RSL24D1: variants seen among roughly 807,000 people sequenced by gnomAD.
RSL24D1 encodes ribosomal L24 domain containing 1.
Under a neutral mutation model 26.2 loss-of-function variants are expected in RSL24D1, and 6 were observed. The ratio of observed to expected loss-of-function variants is 0.23; its 90% CI spans 0.13 to 0.45. RSL24D1 has a LOEUF of 0.45. Ranked by LOEUF, RSL24D1 falls within the 20% of genes least tolerant of loss-of-function variation. RSL24D1 has a pLI of 0.99. For synonymous variants in RSL24D1, 61 were observed against 59.1 expected (o/e 1.03, Z -0.15); for missense variants, 176 against 202.6 (o/e 0.87, Z 0.80).
At chr15:55,187,861 A>C (rs1160137755) in intron 3 of RSL24D1, among the ~76,000 whole-genome samples, 1 of 152,106 alleles carries the variant, frequency 6.6e-6, no homozygotes, top group Non-Finnish European at 1.5e-5. Flanking sequence ...CCATGTAACC[A>C]AAAAAACCAC....
rs757022661 is a variant in RSL24D1 at position 55,190,956 on chromosome 15, G to T, written c.268+19C>A. The T allele has an allele frequency of 1.6e-5, 24 of 1,536,342 alleles. No individual in the cohort carries two copies. The highest frequency in any genetic ancestry group is 5.7e-5 in the South Asian group (5 of 87,176). On this transcript the variant is annotated intron_variant, in intron 3 of 5. Transcript: ENST00000260443. ...AACCAGTCTCTCCTCAAAATTACTG[G>T]TATTTCTTTGTGACTTACTAGTTTT...
At chr15:55,185,310 A>G in intron 4 of RSL24D1, 52 bp downstream of exon 4, 2 of 1,390,114 alleles carry the variant, frequency 1.4e-6, no homozygotes, top group Non-Finnish European at 2.0e-6. Flanking sequence ...AATGCCTCTA[A>G]ATATCTACTA....
At chr15:55,192,951 G>GT in intron 1 of RSL24D1, 118 bp from the exon 2 acceptor site, 1 of 645,684 alleles carries the variant, frequency 1.5e-6, no homozygotes, top group Non-Finnish European at 2.8e-6. Flanking sequence ...TTAGAAATGT[G>GT]TAAGATATAT....
Position 55,192,990 on chromosome 15 carries a change from AC to A in RSL24D1, c.82-158del, listed in dbSNP as rs769307201. ...ATTAAATGGAAACAACTATTTTTTG[AC>A]TATCAAACATCATCCCAACCAAAGG... On this transcript the variant is annotated intron_variant, in intron 1 of 5. Transcript: ENST00000260443. Among the ~76,000 whole-genome samples the A allele has an allele frequency of 1.6e-3, 245 of 152,314 alleles. 1 individual carries two copies. Among genetic ancestry groups the A allele is most frequent in the Non-Finnish European group, 2.6e-3 (179 of 68,024 alleles).
chr15:55,196,531 A>G, intron 1 of RSL24D1: 1 of 585,880 alleles, frequency 1.7e-6, no homozygotes, highest in East Asian at 3.1e-5. Flanking sequence ...CAGACATCCA[A>G]GATTCCTGGT....
intron 3 of RSL24D1, among the ~76,000 whole-genome samples, chr15:55,189,983 C>G (rs1894274933): frequency 6.6e-6 from 1 of 152,210 alleles, no homozygotes; most frequent in Non-Finnish European, 1.5e-5. Context: ...CATGGTGGCT[C>G]ACGCCTGTAA....
In RSL24D1 at chr15:55,195,024, C is replaced by CAA. The variant is rs34525957; in HGVS notation, c.81+1784_81+1785dup. On this transcript the variant is annotated intron_variant, in intron 1 of 5. Coordinates refer to ENST00000260443, the MANE Select transcript of RSL24D1 (RefSeq NM_016304.3). ...GGCAATAGACAGTGAGACCCTGTCT[C>CAA]AAAAAAAAAAAAAAAAAAAAAGGCT... Among the ~76,000 whole-genome samples the CAA allele has an allele frequency of 9.8e-3, 472 of 47,952 alleles. 19 individuals carry two copies. Among genetic ancestry groups the CAA allele is most frequent in the African/African-American group, 0.019 (238 of 12,224 alleles). The allele number at this position is 47,952 out of a possible 152,430, so 31.5% of individuals were successfully genotyped here.
chr15:55,181,415 T>A lies in RSL24D1; in HGVS notation c.*737A>T, dbSNP rs1432370041. 6.6e-6 allele frequency: 1 copy of A among 152,642 alleles called. No homozygotes were observed. Among genetic ancestry groups the A allele is most frequent in the Non-Finnish European group, 1.5e-5 (1 of 68,044 alleles). 9.5% of individuals were successfully genotyped at this position (152,642 alleles called of 1,614,324 possible). On this transcript the variant is annotated 3_prime_UTR_variant, in exon 6 of 6. Transcript: ENST00000260443. ...AGGAGCTTTTTAAAAGAAAACCACA[T>A]AACAACTTTTAAAAGGCGCTGGGAT...
chr15:55,183,009 A>C (rs1407233553), intron 5 of RSL24D1, among the ~76,000 whole-genome samples: 3 of 152,190 alleles, frequency 2.0e-5, no homozygotes, highest in Non-Finnish European at 4.4e-5. Flanking sequence ...GAGAACCACT[A>C]ATAAAAAATA....
chr15:55,191,955 ATGATT>A (rs1444289276), intron 2 of RSL24D1, among the ~76,000 whole-genome samples: 1 of 152,206 alleles, frequency 6.6e-6, no homozygotes, highest in Non-Finnish European at 1.5e-5. Flanking sequence ...GACAGTAATT[ATGATT>A]TGGCCTTGCA....
chr15:55,196,737 C>A, intron 1 of RSL24D1, 73 bp downstream of exon 1: 1 of 1,458,524 alleles, frequency 6.9e-7, no homozygotes, highest in Non-Finnish European at 9.6e-7. Context: ...CGCAGAAGCA[C>A]CCAGCACCGA....
In RSL24D1 at chr15:55,182,014, T is replaced by C. The variant is rs1268202608; in HGVS notation, c.*138A>G. On this transcript the variant is annotated 3_prime_UTR_variant, in exon 6 of 6. Transcript: ENST00000260443. ...AACATCCGTAATATCTGATATTATG[T>C]AGATGGCAATGCAGGAAAGATGTCT... is the stretch of plus-strand genomic sequence containing the variant. The C allele has an allele frequency of 1.7e-6, 1 of 593,950 alleles. No individual in the cohort carries two copies. Among genetic ancestry groups the C allele is most frequent in the Non-Finnish European group, 3.0e-6 (1 of 329,678 alleles). The allele number at this position is 593,950 out of a possible 1,614,324, so 36.8% of individuals were successfully genotyped here.
Position 55,181,866 on chromosome 15 carries a change from G to C in RSL24D1, c.*286C>G, listed in dbSNP as rs1894170500. On this transcript the variant is annotated 3_prime_UTR_variant, in exon 6 of 6. Transcript: ENST00000260443. The stretch of plus-strand genomic sequence containing the variant: ...TTAGTTACTATACAAATGCTGCCTA[G>C]TGCCATTATCCAAATAGCACAACCA... 3.4e-6 allele frequency: 1 copy of C among 296,132 alleles called. No homozygotes were observed. The highest frequency in any genetic ancestry group is 4.6e-5 in the Admixed American group (1 of 21,766). 18.3% of individuals were successfully genotyped at this position (296,132 alleles called of 1,614,324 possible). A position where few individuals can be genotyped will look rare whatever the true frequency, so the allele number is the denominator to read the frequency against.
chr15:55,191,482 AAGAG>A (rs1038258937), intron 2 of RSL24D1, among the ~76,000 whole-genome samples: 30 of 152,158 alleles, frequency 2.0e-4, no homozygotes, highest in South Asian at 4.1e-4. Context: ...GAAAAAAAAA[AAGAG>A]AGAGAAAACT....
In RSL24D1 at chr15:55,196,839, C is replaced by G; in HGVS notation, c.52G>C (p.Gly18Arg). 3.1e-6 allele frequency: 5 copies of G among 1,614,172 alleles called. No homozygotes were observed. Among genetic ancestry groups the G allele is most frequent in the Non-Finnish European group, 4.2e-6 (5 of 1,180,030 alleles). ...CAATCGTTGCGGACGAACATCATGC[C>G]GTGTCCAGGATAGATGGGCCCCGAA... Reference protein sequence around the residue: ...FCSGPIYPGHGMMFVRNDCKV... With the variant: ...FCSGPIYPGHRMMFVRNDCKV... Residue 18 changes from glycine to arginine, a missense_variant, in exon 1 of 6, where the codon GGC (glycine) becomes CGC (arginine). Gly to Arg is a moderately radical substitution (Grantham distance 125, BLOSUM62 -2). Around this residue, in one of 3 missense-constraint regions of RSL24D1, gnomAD observed 44 missense variants for 28.8 expected, o/e 1.53. Coordinates refer to ENST00000260443, the MANE Select transcript of RSL24D1 (RefSeq NM_016304.3).
At chr15:55,196,704 G>T in intron 1 of RSL24D1, 106 bp downstream of exon 1, 1 of 1,067,930 alleles carries the variant, frequency 9.4e-7, no homozygotes, top group Admixed American at 2.0e-5. Flanking sequence ...ACAACGGGAG[G>T]AACCCGGGCC....
intron 2 of RSL24D1, 70 bp from the exon 3 acceptor site, chr15:55,191,117 G>T: frequency 9.3e-7 from 1 of 1,079,844 alleles, no homozygotes. Context: ...TTCTTAAAAC[G>T]TCTTCCTTTT....
intron 3 of RSL24D1, among the ~76,000 whole-genome samples, chr15:55,190,249 CAA>C (rs57254193): frequency 4.6e-4 from 16 of 34,470 alleles, no homozygotes; most frequent in African/African-American, 1.7e-3. Flanking sequence ...CTTTCCAACT[CAA>C]AAAAAAAAAA....
chr15:55,185,081 T>A (rs1894210102), intron 4 of RSL24D1, among the ~76,000 whole-genome samples: 1 of 152,220 alleles, frequency 6.6e-6, no homozygotes, highest in African/African-American at 2.4e-5. Flanking sequence ...GACTGATAGA[T>A]AACCATACTG....
Sources: allele counts gnomAD v4.1 joint callset (sites outside exome capture counted in the v4.1 genomes callset), GRCh38; gene constraint gnomAD v4.1.1; regional missense constraint gnomAD v4.1.1; transcripts MANE v1.5; gene names NCBI Gene and HGNC (gene_info 2026-07-23, HGNC 2026-07-21).